SLK: variants seen among roughly 807,000 people sequenced by gnomAD.
SLK encodes the protein STE20-like serine/threonine-protein kinase.
Under a neutral mutation model 147.7 loss-of-function variants are expected in SLK, and 67 were observed. The observed-to-expected ratio is 0.45, with a 90% CI of 0.37 to 0.56. SLK has a LOEUF of 0.56. SLK is among the 20% of genes least tolerant of loss of function. The probability of loss-of-function intolerance (pLI) is 0.00; values close to 1 mark genes in which losing one functional copy is unlikely to be tolerated. For missense variants in SLK, 1,136 were observed against 1,438.8 expected (o/e 0.79, Z 3.41); for synonymous variants, 441 against 475.0 (o/e 0.93, Z 0.93).
At position 104,002,637 on chromosome 10, in the gene SLK, A is replaced by C; in HGVS notation, c.1459A>C (p.Lys487Gln). Residue 487 changes from lysine (K) to glutamine (Q), a missense_variant, in exon 9 of 19, where the codon AAA becomes CAA. Lys to Gln is a moderately conservative substitution (Grantham distance 53, BLOSUM62 1). This residue lies in a region of SLK where 516 missense variants were observed against 531.3 expected (regional missense o/e 0.97). Transcript: ENST00000369755. ...KQQMFENKLI[K>Q]SEEIKDTILQ... is the part of the protein sequence containing the mutation. ...ACAGATGTTTGAAAATAAGCTTATAAAATCTGAAGAAATTAAAGATACTAT... is the reference window on the plus strand; with the variant it reads ...ACAGATGTTTGAAAATAAGCTTATACAATCTGAAGAAATTAAAGATACTAT... 6.2e-7 allele frequency: 1 copy of C among 1,608,270 alleles called. No individual in the cohort carries two copies. The highest frequency in any genetic ancestry group is 8.5e-7 in the Non-Finnish European group (1 of 1,177,576).
At chr10:104,017,264 C>T (rs115367610) in intron 13 of SLK, among the ~76,000 whole-genome samples, 1,549 of 152,294 alleles carry the variant, frequency 0.01, 20 homozygotes, top group African/African-American at 0.036. Flanking sequence ...GTATGTAACT[C>T]ACTTTCCTAT....
Position 104,002,401 on chromosome 10 carries a change from CA to C in SLK, c.1225del (p.Met409Ter). On this transcript the variant is annotated frameshift_variant, in exon 9 of 19. Coordinates refer to ENST00000369755, the MANE Select transcript of SLK (RefSeq NM_014720.4). LOFTEE classifies it high-confidence loss of function. ...CATATTACCGATGCTCAGTTAGAAG[CA>C]ATGACTGAACTCCATGACAGAACAG... The part of the protein sequence containing the change: ...NEHITDAQLE[A>X]MTELHDRTAV... The C allele has an allele frequency of 6.2e-7, 1 of 1,613,854 alleles. No individual in the cohort carries two copies. The highest frequency in any genetic ancestry group is 8.5e-7 in the Non-Finnish European group (1 of 1,179,948).
Position 104,001,554 on chromosome 10 carries a change from G to A in SLK, c.975G>A (p.Glu325=), listed in dbSNP as rs1844248686. ...VEDGKEEDEE[E]ETENSLPIPA... ...ATGGCAAAGAGGAAGATGAAGAGGA[G>A]GAAACAGAAAATTCTCTGGTCAGTA... The change falls in exon 8 of 19, where the codon GAG becomes GAA. Residue 325 remains glutamate (E), a synonymous_variant. Coordinates refer to ENST00000369755, the MANE Select transcript of SLK (RefSeq NM_014720.4). 1 of 1,613,682 alleles carries A rather than the reference G, an allele frequency of 6.2e-7. No individual in the cohort carries two copies. The highest frequency in any genetic ancestry group is 1.3e-5 in the African/African-American group (1 of 75,042).
At chr10:104,019,447 TTG>T (rs1844505872) in intron 15 of SLK, among the ~76,000 whole-genome samples, 1 of 151,986 alleles carries the variant, frequency 6.6e-6, no homozygotes, top group African/African-American at 2.4e-5. Flanking sequence ...AAAAAAAATT[TTG>T]TGTGTGGAGA....
chr10:104,006,075 TTAA>T lies in SLK; in HGVS notation c.2604+45_2604+47del, dbSNP rs1272327717. On this transcript the variant is annotated intron_variant, in intron 11 of 18. Coordinates refer to ENST00000369755, the MANE Select transcript of SLK (RefSeq NM_014720.4). Reference sequence around the variant, plus strand: ...TTATACCATTTTATATCATTTTGTGTTAATAATGACATTTACTGCATTAAAAAC... The same window carrying T: ...TTATACCATTTTATATCATTTTGTGTTAATGACATTTACTGCATTAAAAAC... The T allele has an allele frequency of 3.2e-6, 5 of 1,583,220 alleles. No homozygotes were observed. The Middle Eastern group carries it at 5.0e-4, about 158-fold the overall frequency.
At chr10:104,021,765 G>A in intron 18 of SLK, 32 bp downstream of exon 18, 1 of 1,186,844 alleles carries the variant, frequency 8.4e-7, no homozygotes, top group East Asian at 2.4e-5. Context: ...AAAATGATAT[G>A]TGTGTACTCG....
At chr10:103,992,946 A>C in intron 3 of SLK, 38 bp from the exon 4 acceptor site, 3 of 1,536,110 alleles carry the variant, frequency 2.0e-6, no homozygotes, top group Non-Finnish European at 2.7e-6. Context: ...TTTTCACTGT[A>C]TAAAAAGCAG....
rs1382430458 is a variant in SLK, at chr10:104,018,680, G to A, written c.3008-104G>A. The A allele has an allele frequency of 6.0e-6, 7 of 1,167,904 alleles. No homozygotes were observed. The African/African-American group carries it at 6.2e-5, about 10-fold the overall frequency. The allele number at this position is 1,167,904 out of a possible 1,614,324, so 72.3% of individuals were successfully genotyped here. On this transcript the variant is annotated intron_variant, in intron 14 of 18. Coordinates refer to ENST00000369755, the MANE Select transcript of SLK (RefSeq NM_014720.4). ...GCTCAGAATGTCAACATGTGTGTACGAGTTAGTGTATTTAGAATACTTCTA... is the reference window on the plus strand; with the variant it reads ...GCTCAGAATGTCAACATGTGTGTACAAGTTAGTGTATTTAGAATACTTCTA...
chr10:104,022,146 C>T (rs1414155737), intron 18 of SLK, among the ~76,000 whole-genome samples: 6 of 151,854 alleles, frequency 4.0e-5, no homozygotes, highest in Non-Finnish European at 8.8e-5. Flanking sequence ...GAAAAGGAAG[C>T]GTACAGAGAA....
chr10:104,020,030 T>C, intron 16 of SLK, 108 bp downstream of exon 16: 1 of 821,892 alleles, frequency 1.2e-6, no homozygotes, highest in South Asian at 1.7e-5. Context: ...CACCTTAGGC[T>C]TGTTGATGTT....
Position 104,002,414 on chromosome 10 carries a change from C to G in SLK, c.1236C>G (p.Leu412=), listed in dbSNP as rs906283281. The G allele has an allele frequency of 7.4e-6, 12 of 1,613,906 alleles. No individual in the cohort carries two copies. Among genetic ancestry groups the G allele is most frequent in the Non-Finnish European group, 9.3e-6 (11 of 1,179,992 alleles). Residue 412 remains leucine (L), a synonymous_variant, in exon 9 of 19, where the codon CTC becomes CTG. Transcript: ENST00000369755. ...TDAQLEAMTE[L]HDRTAVIKEN... ...CTCAGTTAGAAGCAATGACTGAACT[C>G]CATGACAGAACAGCAGTAATCAAGG...
intron 7 of SLK, among the ~76,000 whole-genome samples, chr10:104,000,488 T>C (rs1844231002): frequency 6.6e-6 from 1 of 152,170 alleles, no homozygotes; most frequent in African/African-American, 2.4e-5. Flanking sequence ...TCTGGGGGAA[T>C]AAAGCAGGAA....
intron 11 of SLK, among the ~76,000 whole-genome samples, chr10:104,006,265 G>T (rs986077331): frequency 3.3e-5 from 5 of 152,102 alleles, no homozygotes; most frequent in African/African-American, 1.2e-4. Flanking sequence ...CCTTAAGCTG[G>T]TTTATGGTGT....
chr10:103,971,261 G>A (rs1564648435), intron 1 of SLK, among the ~76,000 whole-genome samples: 1 of 151,654 alleles, frequency 6.6e-6, no homozygotes, highest in Non-Finnish European at 1.5e-5. Context: ...TTTTTTTGTT[G>A]TTGTTGTTTT....
In SLK at chr10:104,005,837, A is replaced by C. The variant is rs967076099; in HGVS notation, c.2481-75A>C. 19 of 1,538,986 alleles carry C rather than the reference A, an allele frequency of 1.2e-5. No individual in the cohort carries two copies. The African/African-American group carries it at 2.5e-4, about 20-fold the overall frequency. On this transcript the variant is annotated intron_variant, in intron 10 of 18. Coordinates refer to ENST00000369755, the MANE Select transcript of SLK (RefSeq NM_014720.4). ...CGTTCCACTCGAAAGAAAATTTTTA[A>C]AGCTTTAAAAAAAAACGTATTTCAG...
chr10:103,970,350 C>A (rs1169512868), intron 1 of SLK, among the ~76,000 whole-genome samples: 3 of 152,150 alleles, frequency 2.0e-5, no homozygotes, highest in African/African-American at 7.2e-5. Context: ...GATCTATCTT[C>A]CTGTACTGAG....
intron 7 of SLK, among the ~76,000 whole-genome samples, chr10:104,001,105 G>GAC (rs1844242066): frequency 6.9e-6 from 1 of 144,664 alleles, no homozygotes; most frequent in Admixed American, 6.9e-5. Context: ...GTAGTGACCT[G>GAC]ACATTTGCTT....
At chr10:104,018,671 T>G in intron 14 of SLK, 113 bp from the exon 15 acceptor site, 1 of 1,069,806 alleles carries the variant, frequency 9.3e-7, no homozygotes. Flanking sequence ...AATGTCAACA[T>G]GTGTGTACGA....
At chr10:103,986,881 T>TAAAA (rs1844023853) in intron 1 of SLK, among the ~76,000 whole-genome samples, 1 of 152,130 alleles carries the variant, frequency 6.6e-6, no homozygotes, top group Admixed American at 6.5e-5. Flanking sequence ...TTTCACCATG[T>TAAAA]TGGCCAGGCT....
Sources: gnomAD v4.1 joint callset for allele counts (sites outside exome capture counted in the v4.1 genomes callset) on GRCh38, gnomAD v4.1.1 for gene constraint, gnomAD v4.1.1 regional missense constraint, MANE v1.5 for transcripts, NCBI Gene and HGNC (gene_info 2026-07-23, HGNC 2026-07-21) for gene names.